KCNIP1: variants seen among roughly 807,000 people sequenced by gnomAD.
KCNIP1 encodes A-type potassium channel modulatory protein KCNIP1.
Under a neutral mutation model 33.0 loss-of-function variants are expected in KCNIP1, and 18 were observed. The observed-to-expected ratio is 0.55, with a 90% CI of 0.38 to 0.81. KCNIP1 has a LOEUF of 0.81. Among genes scored for constraint, KCNIP1 ranks in the 30% least tolerant of loss-of-function variants. The pLI, the probability that KCNIP1 is intolerant of heterozygous loss-of-function variation, is 0.00. For synonymous variants in KCNIP1, 93 were observed against 98.3 expected (o/e 0.95, Z 0.32); for missense variants, 238 against 271.6 (o/e 0.88, Z 0.87).
intron 1 of KCNIP1, among the ~76,000 whole-genome samples, chr5:170,416,679 C>T (rs753077002): frequency 7.4e-4 from 110 of 149,646 alleles, no homozygotes; most frequent in South Asian, 6.4e-4. Context: ...TAATACTTAC[C>T]GTAACTCATT....
At chr5:170,585,972 T>C (rs1757973555) in intron 1 of KCNIP1, among the ~76,000 whole-genome samples, 1 of 152,224 alleles carries the variant, frequency 6.6e-6, no homozygotes. Context: ...AAGAGCGTAG[T>C]GGTTGATCGC....
At chr5:170,724,086 A>G (rs1045887931) in intron 5 of KCNIP1, among the ~76,000 whole-genome samples, 38 of 152,220 alleles carry the variant, frequency 2.5e-4, no homozygotes, top group African/African-American at 8.7e-4. Flanking sequence ...CACAAAAGGC[A>G]AAAACAGACT....
intron 1 of KCNIP1, among the ~76,000 whole-genome samples, chr5:170,624,350 G>C (rs1188430866): frequency 6.6e-6 from 1 of 152,058 alleles, no homozygotes; most frequent in African/African-American, 2.4e-5. Context: ...GTGGAGGTGA[G>C]GAGGAAGGAA....
At chr5:170,663,506 G>C (rs1761578455) in intron 1 of KCNIP1, among the ~76,000 whole-genome samples, 1 of 152,148 alleles carries the variant, frequency 6.6e-6, no homozygotes, top group Non-Finnish European at 1.5e-5. Context: ...AAGACAAGGA[G>C]TTTGGGCACT....
At chr5:170,370,148 G>A (rs1763805815) in intron 1 of KCNIP1, among the ~76,000 whole-genome samples, 1 of 152,224 alleles carries the variant, frequency 6.6e-6, no homozygotes, top group Non-Finnish European at 1.5e-5. Context: ...ACAAGCAAGA[G>A]AGGCGGGAAG....
intron 1 of KCNIP1, among the ~76,000 whole-genome samples, chr5:170,605,178 C>A (rs1417212350): frequency 6.6e-6 from 1 of 151,862 alleles, no homozygotes; most frequent in Non-Finnish European, 1.5e-5. Context: ...CCCCTGCCCA[C>A]CAGCCACCTG....
intron 1 of KCNIP1, among the ~76,000 whole-genome samples, chr5:170,579,840 ACAG>A (rs1344423763): frequency 3.3e-5 from 5 of 152,130 alleles, no homozygotes; most frequent in Non-Finnish European, 1.5e-5. Flanking sequence ...CCTCTCTCCT[ACAG>A]CCCTGCATGC....
chr5:170,504,227 C>T lies in KCNIP1; in HGVS notation c.-346C>T. On this transcript the variant is annotated 5_prime_UTR_variant, in exon 1 of 8. Transcript: ENST00000328939. This position sits in a 1 kb window ranked among gnomAD's most constrained non-coding sequence, Gnocchi z 6.0. The stretch of plus-strand genomic sequence containing the variant: ...CCGCACGCGGCGCTGGCTCGGCAGC[C>T]TCGGCCGGGCGGCCGCTCTGGCCCC... The T allele has an allele frequency of 9.4e-7, 1 of 1,068,692 alleles. No individual in the cohort carries two copies. Among genetic ancestry groups the T allele is most frequent in the Non-Finnish European group, 1.1e-6 (1 of 884,624 alleles). 66.2% of individuals were successfully genotyped at this position (1,068,692 alleles called of 1,614,324 possible).
In KCNIP1 at chr5:170,489,466, T is replaced by C. The variant is rs549347697; in HGVS notation, c.88+135502T>C. Reference sequence around the variant, plus strand: ...CAGTGTCCTGGAAAGGCCCCAGGGCTGCCCCAACCCCTGACCTCTCTCCTT... The same window carrying C: ...CAGTGTCCTGGAAAGGCCCCAGGGCCGCCCCAACCCCTGACCTCTCTCCTT... On this transcript the variant is annotated intron_variant, in intron 1 of 7. Coordinates refer to the KCNIP1 transcript ENST00000377360. This position sits in a 1 kb window ranked among gnomAD's most constrained non-coding sequence, Gnocchi z 4.3. Among the ~76,000 whole-genome samples, 2 of 150,662 alleles carry C rather than the reference T, an allele frequency of 1.3e-5. No homozygotes were observed. The highest frequency in any genetic ancestry group is 1.3e-4 in the Admixed American group (2 of 15,220).
chr5:170,667,920 T>C (rs1266012573), intron 1 of KCNIP1, among the ~76,000 whole-genome samples: 1 of 152,200 alleles, frequency 6.6e-6, no homozygotes, highest in Non-Finnish European at 1.5e-5. Context: ...CAAAAGGGAA[T>C]TTATTGGCTC....
chr5:170,446,887 G>A (rs1425540041), intron 1 of KCNIP1, among the ~76,000 whole-genome samples: 3 of 152,224 alleles, frequency 2.0e-5, no homozygotes, highest in Admixed American at 2.0e-4. Flanking sequence ...GAAAAGACTT[G>A]TGAACCTGCT....
intron 1 of KCNIP1, among the ~76,000 whole-genome samples, chr5:170,474,008 G>A (rs761231499): frequency 6.6e-6 from 1 of 152,150 alleles, no homozygotes; most frequent in Admixed American, 6.5e-5. Flanking sequence ...GACTGTAGGC[G>A]ACCAGGAATC....
chr5:170,379,695 T>C (rs1764161358), intron 1 of KCNIP1, among the ~76,000 whole-genome samples: 2 of 152,132 alleles, frequency 1.3e-5, no homozygotes, highest in Non-Finnish European at 2.9e-5. Context: ...ACACCTGTAA[T>C]CCTAACACTT....
intron 1 of KCNIP1, among the ~76,000 whole-genome samples, chr5:170,401,269 A>G (rs143876276): frequency 3.4e-4 from 52 of 152,320 alleles, no homozygotes; most frequent in African/African-American, 1.2e-3. Flanking sequence ...TTTGTTACAC[A>G]TTAATGAAAA....
chr5:170,390,808 C>G (rs1401275873), intron 1 of KCNIP1, among the ~76,000 whole-genome samples: 5 of 152,024 alleles, frequency 3.3e-5, no homozygotes, highest in East Asian at 1.9e-4. Context: ...ATACAGTAAG[C>G]TGCCACCTGA....
At chr5:170,642,828 G>A (rs373750273) in intron 1 of KCNIP1, among the ~76,000 whole-genome samples, 137 of 152,312 alleles carry the variant, frequency 9.0e-4, no homozygotes, top group African/African-American at 3.2e-3. Flanking sequence ...ATCGTCCCAT[G>A]TAATCTTTAA....
chr5:170,589,753 G>A (rs1045128566), intron 1 of KCNIP1, among the ~76,000 whole-genome samples: 37 of 124,146 alleles, frequency 3.0e-4, no homozygotes, highest in African/African-American at 8.7e-4. Context: ...GTGTGGTGTG[G>A]TGTGGTGTGG....
At chr5:170,353,960 C>A (rs1763278674) in exon 1 of KCNIP1, 1 of 1,613,874 alleles carries the variant, frequency 6.2e-7, no homozygotes, top group Non-Finnish European at 8.5e-7. Context: ...GGACCCTCAG[C>A]AAAGGTATGG....
intron 1 of KCNIP1, among the ~76,000 whole-genome samples, chr5:170,391,699 T>C (rs1561602163): frequency 6.6e-6 from 1 of 152,198 alleles, no homozygotes; most frequent in African/African-American, 2.4e-5. Flanking sequence ...ACCCATTTGA[T>C]AGAGGGAGTA....
Sources: gnomAD v4.1 joint callset for allele counts (sites outside exome capture counted in the v4.1 genomes callset) on GRCh38, gnomAD v4.1.1 for gene constraint, Gnocchi (gnomAD v3.1) non-coding constraint, MANE v1.5 for transcripts, NCBI Gene and HGNC (gene_info 2026-07-23, HGNC 2026-07-21) for gene names.